BICD2: variants seen among roughly 807,000 people sequenced by gnomAD.
BICD2 encodes the protein protein bicaudal D homolog 2.
In BICD2, 25 loss-of-function variants were observed where a neutral mutation model predicts 72.9. The observed-to-expected ratio is 0.34, with a 90% CI of 0.25 to 0.48. The LOEUF (loss-of-function observed/expected upper bound fraction) is 0.48. Ranked by LOEUF, BICD2 falls within the 20% of genes least tolerant of loss-of-function variation. The pLI is 0.99. For synonymous variants in BICD2, 501 were observed against 516.1 expected (o/e 0.97, Z 0.40); for missense variants, 894 against 1,175.2 (o/e 0.76, Z 3.50).
At chr9:92,762,291 G>C (rs942289417) in intron 1 of BICD2, among the ~76,000 whole-genome samples, 1 of 151,410 alleles carries the variant, frequency 6.6e-6, no homozygotes, top group African/African-American at 2.5e-5. Context: ...AATTAAATAG[G>C]TTAGCAAGAG....
intron 1 of BICD2, among the ~76,000 whole-genome samples, chr9:92,736,788 T>A (rs984069549): frequency 6.6e-6 from 1 of 152,180 alleles, no homozygotes; most frequent in Admixed American, 6.5e-5. Flanking sequence ...AGCAGCTCCA[T>A]GACCGGAGCC....
chr9:92,718,965 G>T lies in BICD2; in HGVS notation c.1680C>A (p.Gly560=). ...GACTGGTGCGGCCGGCCCCGCCCTG[G>T]CCCTCGCGGTAGTAGTCCAGCATGA... The part of the protein sequence containing the change: ...NRVMLDYYRE[G]QGGAGRTSPG... The change falls in exon 5 of 7, where the codon GGC becomes GGA. Residue 560 remains glycine, a synonymous_variant. Transcript: ENST00000356884. The T allele has an allele frequency of 6.2e-7, 1 of 1,610,328 alleles. No individual in the cohort carries two copies. Among genetic ancestry groups the T allele is most frequent in the Non-Finnish European group, 8.5e-7 (1 of 1,179,882 alleles).
chr9:92,716,488 G>C (rs188514639), intron 6 of BICD2, among the ~76,000 whole-genome samples: 1 of 151,948 alleles, frequency 6.6e-6, no homozygotes, highest in African/African-American at 2.4e-5. Context: ...CTGAGAAACT[G>C]GGAGTGCACG....
Position 92,750,455 on chromosome 9 carries a change from A to G in BICD2, c.240+14050T>C, listed in dbSNP as rs1235607344. Among the ~76,000 whole-genome samples the G allele has an allele frequency of 8.7e-5, 7 of 80,006 alleles. No individual in the cohort carries two copies. In the East Asian group the frequency reaches 0.017, roughly 199 times the overall value. The allele number at this position is 80,006 out of a possible 152,430, so 52.5% of individuals were successfully genotyped here. A position where few individuals can be genotyped will look rare whatever the true frequency, so the allele number is the denominator to read the frequency against. On this transcript the variant is annotated intron_variant, in intron 1 of 6. Transcript: ENST00000356884. ...TCACCCATATTATTGTGATTTAAGA[A>G]AAAAAAAAAGAGCAATCAAGCCATG...
rs138046175 is a variant in BICD2 at position 92,740,244 on chromosome 9, C to A, written c.241-11008G>T. Among the ~76,000 whole-genome samples, 493 of 152,090 alleles carry A rather than the reference C, an allele frequency of 3.2e-3. 2 individuals carry two copies. Among genetic ancestry groups the A allele is most frequent in the Non-Finnish European group, 5.6e-3 (383 of 67,976 alleles). Reference sequence around the variant, plus strand: ...AAGAGGATGCAGAATGACATCAGAGCAATCTAAAAAAGGAAGAAATTCCAT... The same window carrying A: ...AAGAGGATGCAGAATGACATCAGAGAAATCTAAAAAAGGAAGAAATTCCAT... On this transcript the variant is annotated intron_variant, in intron 1 of 6. Coordinates refer to ENST00000356884, the MANE Select transcript of BICD2 (RefSeq NM_001003800.2).
chr9:92,724,197 C>T (rs1386459811), intron 2 of BICD2, among the ~76,000 whole-genome samples: 1 of 152,190 alleles, frequency 6.6e-6, no homozygotes, highest in East Asian at 1.9e-4. Flanking sequence ...CCCATAGCTT[C>T]GCCCACCTCT....
Position 92,720,810 on chromosome 9 carries a change from G to A in BICD2, c.607-55C>T. On this transcript the variant is annotated intron_variant, in intron 3 of 6. Transcript: ENST00000356884. This position sits in a 1 kb window ranked among gnomAD's most constrained non-coding sequence, Gnocchi z 5.4. ...AATGCAATGTGGAAGCTCCTTTCAGGCCCCATAAATGAAGAAAACACACCA... is the reference window on the plus strand; with the variant it reads ...AATGCAATGTGGAAGCTCCTTTCAGACCCCATAAATGAAGAAAACACACCA... The A allele has an allele frequency of 1.3e-6, 2 of 1,551,860 alleles. No individual in the cohort carries two copies. The highest frequency in any genetic ancestry group is 1.2e-5 in the South Asian group (1 of 83,174).
chr9:92,714,653 T>C lies in BICD2; in HGVS notation c.*501A>G, dbSNP rs1853264648. 8 of 987,040 alleles carry C rather than the reference T, an allele frequency of 8.1e-6. No homozygotes were observed. The South Asian group carries it at 3.3e-4, about 40-fold the overall frequency. The allele number at this position is 987,040 out of a possible 1,614,324, so 61.1% of individuals were successfully genotyped here. Reference sequence around the variant, plus strand: ...CTGCATAAACTACAACGTACTCCTTTCCATGAAACTATGCCAAGTGCAAAG... The same window carrying C: ...CTGCATAAACTACAACGTACTCCTTCCCATGAAACTATGCCAAGTGCAAAG... On this transcript the variant is annotated 3_prime_UTR_variant, in exon 7 of 7. Transcript: ENST00000356884.
At chr9:92,722,854 C>T (rs1374950921) in intron 2 of BICD2, 46 bp from the exon 3 acceptor site, 1 of 1,611,410 alleles carries the variant, frequency 6.2e-7, no homozygotes. Flanking sequence ...CTCCACAGGG[C>T]ACGAGAGGGG....
At chr9:92,733,855 T>C (rs1458449383) in intron 1 of BICD2, among the ~76,000 whole-genome samples, 4 of 151,850 alleles carry the variant, frequency 2.6e-5, no homozygotes, top group Admixed American at 2.0e-4. Flanking sequence ...TAGTCCCAGC[T>C]ACTGGGGAGG....
rs555860018 is a variant in BICD2, at chr9:92,731,068, TC to T, written c.241-1833del. Among the ~76,000 whole-genome samples the T allele has an allele frequency of 2.1e-3, 320 of 152,200 alleles. 2 individuals carry two copies. Among genetic ancestry groups the T allele is most frequent in the African/African-American group, 7.2e-3 (300 of 41,522 alleles). ...CATGGAATTGGCCCCAGCTGCAGGCTCCCCACCCAAGTGGCAGCCAGGCCCC... is the reference window on the plus strand; with the variant it reads ...CATGGAATTGGCCCCAGCTGCAGGCTCCCACCCAAGTGGCAGCCAGGCCCC... On this transcript the variant is annotated intron_variant, in intron 1 of 6. Coordinates refer to ENST00000356884, the MANE Select transcript of BICD2 (RefSeq NM_001003800.2).
intron 1 of BICD2, among the ~76,000 whole-genome samples, chr9:92,734,640 G>A (rs1353004458): frequency 2.7e-5 from 4 of 150,612 alleles, no homozygotes; most frequent in Non-Finnish European, 4.4e-5. Flanking sequence ...TCAGGAGGAA[G>A]CACTGGTCCA....
chr9:92,752,330 A>C (rs1345544527), intron 1 of BICD2, among the ~76,000 whole-genome samples: 1 of 137,160 alleles, frequency 7.3e-6, no homozygotes, highest in Non-Finnish European at 1.6e-5. Flanking sequence ...GGAAGGAAGC[A>C]CTTTAAAAAA....
intron 1 of BICD2, among the ~76,000 whole-genome samples, chr9:92,733,860 G>A (rs1359014997): frequency 6.6e-6 from 1 of 152,084 alleles, no homozygotes; most frequent in Non-Finnish European, 1.5e-5. Flanking sequence ...CCAGCTACTG[G>A]GGAGGCTGAG....
intron 1 of BICD2, among the ~76,000 whole-genome samples, chr9:92,742,605 G>A (rs1488373694): frequency 2.6e-5 from 4 of 151,884 alleles, no homozygotes; most frequent in South Asian, 2.1e-4. Flanking sequence ...AGGATGGTCC[G>A]ATCTCCTGAC....
intron 1 of BICD2, among the ~76,000 whole-genome samples, chr9:92,734,530 A>G (rs1459339464): frequency 3.3e-5 from 5 of 150,738 alleles, no homozygotes; most frequent in East Asian, 1.9e-4. Flanking sequence ...AAAAAAAAAA[A>G]AGAGAGAAGA....
At position 92,718,569 on chromosome 9, in the gene BICD2, C is replaced by A. The variant is rs747808072; in HGVS notation, c.2076G>T (p.Thr692=). 4 of 1,612,938 alleles carry A rather than the reference C, an allele frequency of 2.5e-6. No individual in the cohort carries two copies. The highest frequency in any genetic ancestry group is 2.2e-5 in the South Asian group (2 of 91,002). ...LLSTKREQIT[T]LRTVLKANKQ... ...TGTTGGCCTTGAGCACAGTGCGCAG[C>A]GTGGTGATCTGCTCCCGCTTGGTGC... Residue 692 remains threonine, a synonymous_variant, in exon 5 of 7, where the codon ACG becomes ACT. Transcript: ENST00000356884.
intron 1 of BICD2, among the ~76,000 whole-genome samples, chr9:92,733,573 T>C (rs775607328): frequency 6.6e-6 from 1 of 151,530 alleles, no homozygotes. Flanking sequence ...AGTAGATACA[T>C]ATATGCAAAA....
chr9:92,718,926 G>A lies in BICD2; in HGVS notation c.1719C>T (p.Thr573=), dbSNP rs1587668638. 1 of 1,607,856 alleles carries A rather than the reference G, an allele frequency of 6.2e-7. No homozygotes were observed. Among genetic ancestry groups the A allele is most frequent in the Non-Finnish European group, 8.5e-7 (1 of 1,178,826 alleles). Residue 573 remains threonine (T), a synonymous_variant, in exon 5 of 7, where the codon ACC becomes ACT. Coordinates refer to ENST00000356884, the MANE Select transcript of BICD2 (RefSeq NM_001003800.2). ...AGCGCCGGCCACGCGCCTCGGGGCT[G>A]GTGCGGCCCCCGGGACTGGTGCGGC... The part of the protein sequence containing the change: ...GAGRTSPGGR[T]SPEARGRRSP...
Sources: gnomAD v4.1 joint callset for allele counts (sites outside exome capture counted in the v4.1 genomes callset) on GRCh38, gnomAD v4.1.1 for gene constraint, Gnocchi (gnomAD v3.1) non-coding constraint, MANE v1.5 for transcripts, NCBI Gene and HGNC (gene_info 2026-07-23, HGNC 2026-07-21) for gene names.